The following PCDH15 variants were observed in gnomAD, a reference collection of about 807,000 sequenced individuals.
The protein encoded by PCDH15 is protocadherin related 15.
PCDH15 carries 129 observed loss-of-function variants against 178.5 expected under a neutral mutation model. The ratio of observed to expected loss-of-function variants is 0.72; its 90% CI spans 0.63 to 0.84. The LOEUF (loss-of-function observed/expected upper bound fraction) is 0.84, where lower values mean the gene tolerates loss of function less well. PCDH15 is among the 40% of genes least tolerant of loss of function. The pLI is 0.00. For missense variants in PCDH15, 2,230 were observed against 2,099.9 expected (o/e 1.06, Z -1.21); for synonymous variants, 800 against 732.0 (o/e 1.09, Z -1.50).
chr10:54,978,843 A>G (rs1023331055), intron 2 of PCDH15, among the ~76,000 whole-genome samples: 7 of 152,032 alleles, frequency 4.6e-5, no homozygotes, highest in African/African-American at 1.7e-4. Context: ...ATTCTTCTAC[A>G]TTTCTTCCAC....
At position 55,388,228 on chromosome 10, in the gene PCDH15, G is replaced by A. The variant is rs544501305; in HGVS notation, c.-155-221577C>T. On this transcript the variant is annotated intron_variant, in intron 2 of 5. Transcript: ENST00000613346. ...CGCCAAGCCAAATTCCTATAAATTG[G>A]GACTTCTTCCCCATATGTTTAACAT... 4.6e-5 allele frequency among the ~76,000 whole-genome samples: 7 copies of A among 151,948 alleles called. No individual in the cohort carries two copies. The South Asian group carries it at 1.5e-3, about 32-fold the overall frequency.
At chr10:54,094,035 T>G (rs1183041402) in intron 15 of PCDH15, among the ~76,000 whole-genome samples, 1 of 152,192 alleles carries the variant, frequency 6.6e-6, no homozygotes, top group Non-Finnish European at 1.5e-5. Flanking sequence ...GGGCTTATTT[T>G]GAGTTTAACG....
At chr10:55,181,386 CT>C (rs1267251233) in intron 1 of PCDH15, among the ~76,000 whole-genome samples, 2 of 151,940 alleles carry the variant, frequency 1.3e-5, no homozygotes, top group Non-Finnish European at 2.9e-5. Flanking sequence ...TTGAACTCTT[CT>C]GTTAAAATAT....
At chr10:54,877,165 A>G (rs1954160473) in intron 3 of PCDH15, among the ~76,000 whole-genome samples, 1 of 152,184 alleles carries the variant, frequency 6.6e-6, no homozygotes, top group Non-Finnish European at 1.5e-5. Flanking sequence ...GGTATTTTCT[A>G]AATTAAAGAA....
At chr10:54,240,626 C>CTTTTTTTTTT (rs1228784141) in intron 8 of PCDH15, among the ~76,000 whole-genome samples, 6 of 79,662 alleles carry the variant, frequency 7.5e-5, no homozygotes, top group Admixed American at 2.0e-4. Flanking sequence ...TTTTCTTTTG[C>CTTTTTTTTTT]TTTTTTTTTT....
intron 1 of PCDH15, among the ~76,000 whole-genome samples, chr10:54,698,135 A>C (rs2095260734): frequency 6.6e-6 from 1 of 152,170 alleles, no homozygotes; most frequent in South Asian, 2.1e-4. Flanking sequence ...AAAATCATCC[A>C]AACAGAATTT....
chr10:55,009,477 C>T (rs560617185), intron 2 of PCDH15, among the ~76,000 whole-genome samples: 1 of 151,976 alleles, frequency 6.6e-6, no homozygotes, highest in Non-Finnish European at 1.5e-5. Context: ...ATTTTATTCA[C>T]GAGAGTTGTA....
intron 10 of PCDH15, among the ~76,000 whole-genome samples, chr10:54,201,756 G>A (rs200405623): frequency 0.14 from 21,815 of 152,186 alleles, 3,115 homozygotes; most frequent in African/African-American, 0.37. Flanking sequence ...TCCAGTGTGT[G>A]TGTGTGAACG....
chr10:54,486,706 C>A lies in PCDH15; in HGVS notation c.157+41106G>T, dbSNP rs367716524. Among the ~76,000 whole-genome samples the A allele has an allele frequency of 3.1e-3, 468 of 152,008 alleles. 6 individuals are homozygous for A. The highest frequency in any genetic ancestry group is 0.01 in the African/African-American group (431 of 41,510). On this transcript the variant is annotated intron_variant, in intron 3 of 37. Transcript: ENST00000644397. ...TAAGTCTAAAAGACTGTAAAACCTT[C>A]CATTCTCTGCTCAGTTATTTGTGAT...
At chr10:55,346,031 C>T (rs780927358) in intron 2 of PCDH15, among the ~76,000 whole-genome samples, 44 of 151,938 alleles carry the variant, frequency 2.9e-4, no homozygotes, top group Non-Finnish European at 5.6e-4. Flanking sequence ...TCTAACAACA[C>T]GCAGAATAGA....
intron 2 of PCDH15, among the ~76,000 whole-genome samples, chr10:54,918,341 T>C (rs1287721130): frequency 6.6e-6 from 1 of 152,138 alleles, no homozygotes; most frequent in East Asian, 1.9e-4. Context: ...AAAATGAGCA[T>C]AGTCAAATTA....
intron 2 of PCDH15, among the ~76,000 whole-genome samples, chr10:55,074,001 T>C (rs1841815813): frequency 6.6e-6 from 1 of 152,130 alleles, no homozygotes; most frequent in Admixed American, 6.6e-5. Context: ...CTGAGGATAA[T>C]GGCACCCAGG....
At chr10:55,363,544 A>G (rs1845280235) in intron 2 of PCDH15, among the ~76,000 whole-genome samples, 1 of 152,220 alleles carries the variant, frequency 6.6e-6, no homozygotes. Context: ...ATTTTCTAGT[A>G]ACACAATATA....
chr10:55,015,610 C>G (rs1591836793), intron 2 of PCDH15, among the ~76,000 whole-genome samples: 1 of 151,906 alleles, frequency 6.6e-6, no homozygotes, highest in Non-Finnish European at 1.5e-5. Context: ...ATGGTCCTGG[C>G]GGAAAACAGA....
chr10:55,172,788 T>A (rs1839374403), intron 1 of PCDH15, among the ~76,000 whole-genome samples: 1 of 152,012 alleles, frequency 6.6e-6, no homozygotes, highest in Non-Finnish European at 1.5e-5. Flanking sequence ...CTATGTATGT[T>A]AAAACAAGGA....
At chr10:54,561,338 C>G (rs1398872535) in intron 2 of PCDH15, among the ~76,000 whole-genome samples, 1 of 151,928 alleles carries the variant, frequency 6.6e-6, no homozygotes, top group Non-Finnish European at 1.5e-5. Context: ...CAATAATGAA[C>G]AAAGTTCAAA....
intron 2 of PCDH15, among the ~76,000 whole-genome samples, chr10:55,038,959 G>A (rs532372542): frequency 5.3e-5 from 8 of 152,170 alleles, no homozygotes; most frequent in Non-Finnish European, 7.4e-5. Context: ...CTATATAGTC[G>A]TCTTTATTGT....
At chr10:55,552,489 GTTA>G (rs1842020096) in intron 2 of PCDH15, among the ~76,000 whole-genome samples, 1 of 151,360 alleles carries the variant, frequency 6.6e-6, no homozygotes, top group Non-Finnish European at 1.5e-5. Flanking sequence ...TAATAAAGCT[GTTA>G]TTATAAATAT....
intron 3 of PCDH15, among the ~76,000 whole-genome samples, chr10:54,840,512 G>A (rs1373694318): frequency 2.0e-5 from 3 of 151,058 alleles, no homozygotes; most frequent in Non-Finnish European, 4.4e-5. Context: ...CACAAAGACA[G>A]GAGGAGAAAA....
Sources: gnomAD v4.1 joint callset for allele counts (sites outside exome capture counted in the v4.1 genomes callset) on GRCh38, gnomAD v4.1.1 for gene constraint, MANE v1.5 for transcripts, NCBI Gene and HGNC (gene_info 2026-07-23, HGNC 2026-07-21) for gene names.